Variants in SLC22A23 observed in about 807,000 individuals in gnomAD.
SLC22A23 encodes solute carrier family 22 member 23, also known as ion transporter protein.
A neutral mutation model predicts 61.0 loss-of-function variants in SLC22A23; 26 were observed. The observed-to-expected ratio is 0.43, with a 90% CI of 0.31 to 0.59. The LOEUF is 0.59. Among genes scored for constraint, SLC22A23 ranks in the 20% least tolerant of loss-of-function variants. SLC22A23 has a pLI of 0.11. For synonymous variants in SLC22A23, 430 were observed against 413.9 expected, an observed-to-expected ratio of 1.04 and a Z score of -0.47; for missense variants, 796 against 934.7, an observed-to-expected ratio of 0.85 and a Z score of 1.94.
At chr6:3,417,785 G>A (rs1445236391) in intron 1 of SLC22A23, among the ~76,000 whole-genome samples, 1 of 152,204 alleles carries the variant, frequency 6.6e-6, no homozygotes, top group African/African-American at 2.4e-5. Flanking sequence ...CCCAAGAGCA[G>A]GGAGAAGCAA....
chr6:3,284,189 C>T (rs1014440558), intron 8 of SLC22A23: 7 of 453,570 alleles, frequency 1.5e-5, no homozygotes, highest in South Asian at 5.4e-5. Context: ...AGTCCCTGTG[C>T]GTCAAGCATG....
intron 4 of SLC22A23, 125 bp downstream of exon 4, chr6:3,323,706 CCTT>C: frequency 8.9e-7 from 1 of 1,118,004 alleles, no homozygotes; most frequent in Non-Finnish European, 1.2e-6. Flanking sequence ...GAGAGGAAAA[CCTT>C]CTCAGACAGA....
intron 5 of SLC22A23, among the ~76,000 whole-genome samples, chr6:3,292,279 C>CT (rs1269588732): frequency 6.6e-6 from 1 of 152,226 alleles, no homozygotes; most frequent in Non-Finnish European, 1.5e-5. Flanking sequence ...AGGCAGCGCT[C>CT]TATGTTATAG....
chr6:3,286,767 G>T lies in SLC22A23; in HGVS notation c.1546+92C>A. 9.3e-7 allele frequency: 1 copy of T among 1,073,642 alleles called. No homozygotes were observed. The highest frequency in any genetic ancestry group is 1.4e-6 in the Non-Finnish European group (1 of 731,532). The allele number at this position is 1,073,642 out of a possible 1,614,324, so 66.5% of individuals were successfully genotyped here. A position where few individuals can be genotyped will look rare whatever the true frequency, so the allele number is the denominator to read the frequency against. ...TCCTTCCAGCAGTAGATTTTAGAGT[G>T]GCCAGCGGAGTCTTATGCAGCCCTT... On this transcript the variant is annotated intron_variant, in intron 7 of 9. Coordinates refer to ENST00000406686, the MANE Select transcript of SLC22A23 (RefSeq NM_015482.2). This position sits in a 1 kb window ranked among gnomAD's most constrained non-coding sequence, Gnocchi z 4.2.
At chr6:3,359,156 A>C (rs1765289285) in intron 3 of SLC22A23, among the ~76,000 whole-genome samples, 1 of 152,146 alleles carries the variant, frequency 6.6e-6, no homozygotes. Context: ...AGATCATTTC[A>C]ACTAAGAAAA....
intron 3 of SLC22A23, among the ~76,000 whole-genome samples, chr6:3,384,190 T>C (rs1393715823): frequency 6.6e-6 from 1 of 152,258 alleles, no homozygotes; most frequent in African/African-American, 2.4e-5. Context: ...TAAATATTCA[T>C]GCACCTGTAG....
chr6:3,439,244 C>T (rs150127653), intron 1 of SLC22A23: 15 of 409,974 alleles, frequency 3.7e-5, no homozygotes, highest in African/African-American at 1.4e-4. Flanking sequence ...GTGACAACAA[C>T]GACAAAAATG....
intron 1 of SLC22A23, among the ~76,000 whole-genome samples, chr6:3,441,770 A>T (rs1771613800): frequency 6.6e-6 from 1 of 152,070 alleles, no homozygotes; most frequent in African/African-American, 2.4e-5. Context: ...AGGGATATTC[A>T]ATTTCCCAAC....
intron 3 of SLC22A23, among the ~76,000 whole-genome samples, chr6:3,402,732 G>A (rs1768513675): frequency 6.6e-6 from 1 of 152,226 alleles, no homozygotes; most frequent in Non-Finnish European, 1.5e-5. Context: ...CACTGTCCCA[G>A]CAGGGTGTGT....
rs186024916 is a variant in SLC22A23 at position 3,414,605 on chromosome 6, A to G, written c.758+1147T>C. Among the ~76,000 whole-genome samples, 2 of 151,710 alleles carry G rather than the reference A, an allele frequency of 1.3e-5. No homozygotes were observed. Among genetic ancestry groups the G allele is most frequent in the East Asian group, 3.9e-4 (2 of 5,156 alleles). Reference sequence around the variant, plus strand: ...ACCCTCTGCTGCTGTCCGCCCAGGCACTTGCCTTGGCCAGCATTCTCAGTT... The same window carrying G: ...ACCCTCTGCTGCTGTCCGCCCAGGCGCTTGCCTTGGCCAGCATTCTCAGTT... On this transcript the variant is annotated intron_variant, in intron 2 of 9. Coordinates refer to ENST00000406686, the MANE Select transcript of SLC22A23 (RefSeq NM_015482.2). The surrounding 1 kb of genome is among the most constrained non-coding windows in gnomAD (Gnocchi z 5.1).
chr6:3,409,617 C>T (rs1769072308), intron 3 of SLC22A23, among the ~76,000 whole-genome samples: 2 of 152,154 alleles, frequency 1.3e-5, no homozygotes, highest in Non-Finnish European at 2.9e-5. Context: ...GCAAACACCA[C>T]CTACAAATAA....
rs554938716 is a variant in SLC22A23 at position 3,396,421 on chromosome 6, C to T, written c.913+13767G>A. ...ACTAAAAATACAAAAATTAGCTGGG[C>T]ATCTGTAGTCCCAGCTACTCGGGAG... On this transcript the variant is annotated intron_variant, in intron 3 of 9. Coordinates refer to ENST00000406686, the MANE Select transcript of SLC22A23 (RefSeq NM_015482.2). 6.5e-4 allele frequency among the ~76,000 whole-genome samples: 99 copies of T among 152,258 alleles called. 1 individual carries two copies. The highest frequency in any genetic ancestry group is 1.9e-3 in the Admixed American group (29 of 15,306).
intron 4 of SLC22A23, among the ~76,000 whole-genome samples, chr6:3,316,830 G>A (rs1187747419): frequency 6.6e-6 from 1 of 152,136 alleles, no homozygotes; most frequent in East Asian, 1.9e-4. Context: ...TAGAGATGGG[G>A]TCTCCCTTTG....
intron 3 of SLC22A23, among the ~76,000 whole-genome samples, chr6:3,358,511 T>C (rs1765248157): frequency 6.7e-6 from 1 of 149,184 alleles, no homozygotes; most frequent in South Asian, 2.2e-4. Context: ...ACATGAGGCA[T>C]GTAAAAATAG....
At chr6:3,315,421 C>T (rs112727224) in intron 4 of SLC22A23, among the ~76,000 whole-genome samples, 4 of 152,334 alleles carry the variant, frequency 2.6e-5, no homozygotes, top group African/African-American at 9.6e-5. Flanking sequence ...TTCATCGCTT[C>T]CAGGAATACT....
chr6:3,400,430 C>T (rs181634250), intron 3 of SLC22A23, among the ~76,000 whole-genome samples: 1 of 152,276 alleles, frequency 6.6e-6, no homozygotes, highest in East Asian at 1.9e-4. Flanking sequence ...AGTAATGGTG[C>T]TTGCAGTAGG....
Position 3,283,799 on chromosome 6 carries a change from C to T in SLC22A23, c.1703+53G>A, listed in dbSNP as rs754319640. ...CCACACCAGCCTGGAGCCAGGGACT[C>T]GTCTTTGATTTCCGAGAAGCCGGCG... On this transcript the variant is annotated intron_variant, in intron 9 of 9. Coordinates refer to ENST00000406686, the MANE Select transcript of SLC22A23 (RefSeq NM_015482.2). The T allele has an allele frequency of 1.2e-5, 19 of 1,608,238 alleles. No homozygotes were observed. In the East Asian group the frequency reaches 2.0e-4, roughly 17 times the overall value.
At chr6:3,306,485 A>G (rs1761982987) in intron 4 of SLC22A23, among the ~76,000 whole-genome samples, 2 of 152,202 alleles carry the variant, frequency 1.3e-5, no homozygotes, top group African/African-American at 4.8e-5. Flanking sequence ...TCCCCATTTT[A>G]CAGATGGGAA....
intron 9 of SLC22A23, among the ~76,000 whole-genome samples, chr6:3,279,767 G>A (rs1426982282): frequency 6.6e-6 from 1 of 152,084 alleles, no homozygotes; most frequent in Non-Finnish European, 1.5e-5. Flanking sequence ...TTAGAAGTCA[G>A]AGCTGCTTGA....
Sources: gnomAD v4.1 joint callset for allele counts (sites outside exome capture counted in the v4.1 genomes callset) on GRCh38, gnomAD v4.1.1 for gene constraint, Gnocchi (gnomAD v3.1) non-coding constraint, MANE v1.5 for transcripts, NCBI Gene and HGNC (gene_info 2026-07-23, HGNC 2026-07-21) for gene names.